Variants in RALYL observed in about 807,000 individuals in gnomAD.
The protein encoded by RALYL is RALY RNA binding protein like, also known as RNA-binding Raly-like protein.
A neutral mutation model predicts 35.1 loss-of-function variants in RALYL; 29 were observed. The ratio of observed to expected loss-of-function variants is 0.83; its 90% CI spans 0.61 to 1.13. The LOEUF is 1.13. Among genes scored for constraint, RALYL ranks in the 50% most tolerant of loss-of-function variants. The pLI is 0.00. For missense variants in RALYL, 359 were observed against 360.4 expected, an observed-to-expected ratio of 1.00 and a Z score of 0.03; for synonymous variants, 120 against 127.6, an observed-to-expected ratio of 0.94 and a Z score of 0.40.
chr8:84,241,412 G>C (rs1827841196), intron 1 of RALYL, among the ~76,000 whole-genome samples: 1 of 152,098 alleles, frequency 6.6e-6, no homozygotes, highest in African/African-American at 2.4e-5. Flanking sequence ...TGCTTGGTGT[G>C]GCGGCTGGAG....
intron 1 of RALYL, among the ~76,000 whole-genome samples, chr8:84,268,868 G>A (rs1364949462): frequency 6.6e-6 from 1 of 152,118 alleles, no homozygotes; most frequent in African/African-American, 2.4e-5. Flanking sequence ...GGCAAGGGAA[G>A]CATATCATAT....
At chr8:84,808,753 A>AT (rs1261163253) in intron 4 of RALYL, among the ~76,000 whole-genome samples, 4 of 151,496 alleles carry the variant, frequency 2.6e-5, no homozygotes, top group South Asian at 2.1e-4. Flanking sequence ...AGTATTTTAA[A>AT]TTTTTTTGCA....
chr8:84,817,695 T>C (rs1028611395), intron 4 of RALYL, among the ~76,000 whole-genome samples: 1 of 151,916 alleles, frequency 6.6e-6, no homozygotes. Context: ...GCTGGAACTA[T>C]AGGCATGAGC....
At chr8:84,701,778 C>T (rs537095829) in intron 2 of RALYL, among the ~76,000 whole-genome samples, 8 of 152,248 alleles carry the variant, frequency 5.3e-5, no homozygotes, top group African/African-American at 1.7e-4. Flanking sequence ...AAGCCAGAAG[C>T]CCTGCAGTCA....
intron 1 of RALYL, among the ~76,000 whole-genome samples, chr8:84,352,560 C>A (rs1851112342): frequency 6.7e-6 from 1 of 150,276 alleles, no homozygotes; most frequent in African/African-American, 2.5e-5. Flanking sequence ...CAAAGCCACA[C>A]AACTAACAGG....
chr8:84,274,706 C>G (rs1835015481), intron 1 of RALYL, among the ~76,000 whole-genome samples: 1 of 152,054 alleles, frequency 6.6e-6, no homozygotes, highest in Non-Finnish European at 1.5e-5. Flanking sequence ...AAATCTAATT[C>G]AAATAAGCAC....
chr8:84,473,499 C>T (rs1249241538), intron 1 of RALYL, among the ~76,000 whole-genome samples: 4 of 151,634 alleles, frequency 2.6e-5, no homozygotes, highest in Admixed American at 2.6e-4. Flanking sequence ...AAATTTATTA[C>T]TTTTAAGAAG....
At chr8:84,189,346 T>A (rs1236120478) in intron 1 of RALYL, among the ~76,000 whole-genome samples, 1 of 152,214 alleles carries the variant, frequency 6.6e-6, no homozygotes, top group Non-Finnish European at 1.5e-5. Flanking sequence ...GGGAATTGAT[T>A]GCATTCATAC....
chr8:84,619,846 C>T (rs1820869353), intron 2 of RALYL, among the ~76,000 whole-genome samples: 1 of 151,466 alleles, frequency 6.6e-6, no homozygotes, highest in South Asian at 2.1e-4. Context: ...TTCTCCTTCA[C>T]TTATGAAGCT....
chr8:84,679,824 G>T, intron 2 of RALYL: 1 of 434,422 alleles, frequency 2.3e-6, no homozygotes, highest in South Asian at 1.8e-5. Flanking sequence ...CTGATCTAGA[G>T]GGTCAGACTC....
At chr8:84,886,206 A>G (rs1419750791) in intron 7 of RALYL, among the ~76,000 whole-genome samples, 5 of 152,184 alleles carry the variant, frequency 3.3e-5, no homozygotes, top group Admixed American at 3.3e-4. Flanking sequence ...GTATAGATAC[A>G]CATTTATTTA....
chr8:84,428,180 TTAAAA>T (rs2132616164), intron 1 of RALYL, among the ~76,000 whole-genome samples: 1 of 150,804 alleles, frequency 6.6e-6, no homozygotes, highest in Admixed American at 6.6e-5. Context: ...CTGAAACTAT[TTAAAA>T]TAAATAACTC....
At chr8:84,526,303 G>C (rs541642748) in intron 1 of RALYL, among the ~76,000 whole-genome samples, 9 of 152,088 alleles carry the variant, frequency 5.9e-5, no homozygotes, top group African/African-American at 2.2e-4. Context: ...ACAGACATTT[G>C]GGTTGTTTCT....
intron 2 of RALYL, among the ~76,000 whole-genome samples, chr8:84,537,859 C>A (rs907333039): frequency 3.5e-4 from 54 of 152,174 alleles, no homozygotes; most frequent in African/African-American, 1.3e-3. Flanking sequence ...TCAGAAATTT[C>A]TTCCAATATT....
chr8:84,573,801 C>T (rs1345239677), intron 2 of RALYL, among the ~76,000 whole-genome samples: 1 of 151,752 alleles, frequency 6.6e-6, no homozygotes, highest in Non-Finnish European at 1.5e-5. Context: ...GCTATTAATC[C>T]CATCCACAGA....
At chr8:84,503,274 C>T (rs2056862289) in intron 1 of RALYL, among the ~76,000 whole-genome samples, 1 of 151,700 alleles carries the variant, frequency 6.6e-6, no homozygotes, top group South Asian at 2.1e-4. Context: ...CAGCCTTAGA[C>T]TCCCAAGTAG....
chr8:84,672,225 C>A lies in RALYL; in HGVS notation c.257-102354C>A, dbSNP rs534685751. On this transcript the variant is annotated intron_variant, in intron 2 of 8. Coordinates refer to ENST00000521268, the MANE Select transcript of RALYL (RefSeq NM_173848.7). ...AACAGGAGTCACTTTTACTCCATTT[C>A]CCAACAAGTTCCTCATCTCCATCAG... 2.2e-4 allele frequency among the ~76,000 whole-genome samples: 33 copies of A among 152,260 alleles called. 2 individuals are homozygous for A. The South Asian group carries it at 6.6e-3, about 31-fold the overall frequency.
chr8:84,772,704 TATTA>T (rs1206993906), intron 2 of RALYL, among the ~76,000 whole-genome samples: 5 of 152,148 alleles, frequency 3.3e-5, no homozygotes, highest in African/African-American at 1.2e-4. Context: ...TAAACTCTCT[TATTA>T]ATTGTAATAA....
At chr8:84,913,053 T>C (rs1296166324) in intron 8 of RALYL, among the ~76,000 whole-genome samples, 1 of 150,986 alleles carries the variant, frequency 6.6e-6, no homozygotes, top group Admixed American at 6.6e-5. Flanking sequence ...GATAGATAGA[T>C]AGATAGATAG....
Sources: gnomAD v4.1 joint callset for allele counts (sites outside exome capture counted in the v4.1 genomes callset) on GRCh38, gnomAD v4.1.1 for gene constraint, MANE v1.5 for transcripts, NCBI Gene and HGNC (gene_info 2026-07-23, HGNC 2026-07-21) for gene names.